SHISA9: variants seen among roughly 807,000 people sequenced by gnomAD.
The protein encoded by SHISA9 is protein shisa-9.
A neutral mutation model predicts 38.0 loss-of-function variants in SHISA9; 13 were observed. The ratio of observed to expected loss-of-function variants is 0.34; its 90% confidence interval spans 0.22 to 0.54. The LOEUF (loss-of-function observed/expected upper bound fraction) is 0.54. Among genes scored for constraint, SHISA9 ranks in the 20% least tolerant of loss-of-function variants. SHISA9 has a pLI of 0.91. For missense variants in SHISA9, 538 were observed against 575.8 expected (o/e 0.93, Z 0.67); for synonymous variants, 275 against 242.0 (o/e 1.14, Z -1.27).
intron 2 of SHISA9, among the ~76,000 whole-genome samples, chr16:13,179,893 A>G (rs1432876483): frequency 1.3e-5 from 2 of 152,190 alleles, no homozygotes; most frequent in African/African-American, 4.8e-5. Context: ...GCAGGATTGA[A>G]TAAGTGGGAC....
Position 13,167,072 on chromosome 16 carries a change from C to CTTTTTTTT in SHISA9, c.692-36312_692-36305dup, listed in dbSNP as rs11372669. On this transcript the variant is annotated intron_variant, in intron 2 of 4. Coordinates refer to ENST00000558583, the MANE Select transcript of SHISA9 (RefSeq NM_001145204.3). The stretch of plus-strand genomic sequence containing the variant: ...CTTCTTCTCTCTCTCTCTCTTTTTT[C>CTTTTTTTT]TTTTTTTTTTTTTTTTTGAGACAGA... 2.4e-5 allele frequency among the ~76,000 whole-genome samples: 3 copies of CTTTTTTTT among 124,428 alleles called. 1 individual carries two copies. Among genetic ancestry groups the CTTTTTTTT allele is most frequent in the African/African-American group, 9.0e-5 (3 of 33,510 alleles). The allele number at this position is 124,428 out of a possible 152,430, so 81.6% of individuals were successfully genotyped here. A position where few individuals can be genotyped will look rare whatever the true frequency, so the allele number is the denominator to read the frequency against.
the SHISA9 span, among the ~76,000 whole-genome samples, chr16:13,420,273 A>AAAAAAAAAAG: frequency 2.0e-5 from 3 of 146,764 alleles, no homozygotes; most frequent in African/African-American, 5.1e-5. Context: ...AAAAAAAAAA[A>AAAAAAAAAAG]GGTTTTTTGC....
chr16:13,035,993 T>G (rs1195620261), intron 2 of SHISA9, among the ~76,000 whole-genome samples: 1 of 152,200 alleles, frequency 6.6e-6, no homozygotes, highest in Non-Finnish European at 1.5e-5. Flanking sequence ...AAAAGATTGA[T>G]GATATCAAGT....
chr16:13,473,026 A>G, the SHISA9 span, among the ~76,000 whole-genome samples: 2 of 152,170 alleles, frequency 1.3e-5, no homozygotes, highest in East Asian at 1.9e-4. Flanking sequence ...CTGCTTCTTT[A>G]TATGCCTGTT....
At chr16:13,187,454 C>A (rs1341306471) in intron 2 of SHISA9, among the ~76,000 whole-genome samples, 1 of 151,410 alleles carries the variant, frequency 6.6e-6, no homozygotes, top group African/African-American at 2.4e-5. Context: ...CCTGTCTCAG[C>A]CTCCTGAATA....
the SHISA9 span, among the ~76,000 whole-genome samples, chr16:13,509,428 G>C: frequency 6.6e-6 from 1 of 152,022 alleles, no homozygotes; most frequent in Admixed American, 6.6e-5. Context: ...CCTGAATAAG[G>C]CAGACATGTC....
the SHISA9 span, among the ~76,000 whole-genome samples, chr16:13,490,188 C>G: frequency 1.3e-5 from 2 of 152,034 alleles, no homozygotes; most frequent in African/African-American, 4.8e-5. Flanking sequence ...TTGGCAGAAG[C>G]CATAGCAGGA....
chr16:13,021,863 G>C (rs2072859024), intron 2 of SHISA9, among the ~76,000 whole-genome samples: 1 of 152,210 alleles, frequency 6.6e-6, no homozygotes, highest in South Asian at 2.1e-4. Context: ...CCTGGGAAGA[G>C]AAAGCATAGT....
chr16:13,197,927 G>C (rs1264305314), intron 2 of SHISA9, among the ~76,000 whole-genome samples: 2 of 152,174 alleles, frequency 1.3e-5, no homozygotes. Context: ...GCTCATGTCT[G>C]TAAGCCCAGC....
intron 1 of SHISA9, among the ~76,000 whole-genome samples, chr16:12,903,984 G>A (rs1002341815): frequency 6.6e-6 from 1 of 152,080 alleles, no homozygotes; most frequent in African/African-American, 2.4e-5. Flanking sequence ...GGGGGAAGAG[G>A]TGAGGAAGTT....
chr16:13,398,938 G>A, the SHISA9 span, among the ~76,000 whole-genome samples: 10 of 152,146 alleles, frequency 6.6e-5, no homozygotes, highest in Non-Finnish European at 1.2e-4. Flanking sequence ...AATATCAATT[G>A]AGTGCCAGTT....
At chr16:13,502,749 C>G in the SHISA9 span, among the ~76,000 whole-genome samples, 1 of 152,124 alleles carries the variant, frequency 6.6e-6, no homozygotes, top group South Asian at 2.1e-4. Context: ...TGGTGGCATG[C>G]ACCTGTAATC....
chr16:13,174,029 A>G (rs886191759), intron 2 of SHISA9, among the ~76,000 whole-genome samples: 1 of 152,044 alleles, frequency 6.6e-6, no homozygotes, highest in African/African-American at 2.4e-5. Flanking sequence ...AAAAAGTCAT[A>G]TCACCTCTCT....
At chr16:13,504,639 G>C in the SHISA9 span, among the ~76,000 whole-genome samples, 35 of 152,266 alleles carry the variant, frequency 2.3e-4, no homozygotes, top group African/African-American at 8.4e-4. Context: ...AAAGGACTAA[G>C]AAACAGAGGA....
intron 2 of SHISA9, among the ~76,000 whole-genome samples, chr16:13,051,429 A>G (rs2073249721): frequency 6.6e-6 from 1 of 152,148 alleles, no homozygotes; most frequent in South Asian, 2.1e-4. Flanking sequence ...AGAGATTTGG[A>G]TGGGGACACA....
intron 2 of SHISA9, among the ~76,000 whole-genome samples, chr16:13,026,257 A>T (rs1166047022): frequency 6.6e-6 from 1 of 151,404 alleles, no homozygotes; most frequent in Non-Finnish European, 1.5e-5. Context: ...CCCGGCAACT[A>T]CCCTTCTACT....
At chr16:13,355,085 G>A in the SHISA9 span, among the ~76,000 whole-genome samples, 1 of 149,596 alleles carries the variant, frequency 6.7e-6, no homozygotes, top group Non-Finnish European at 1.5e-5. Flanking sequence ...GTAGAGGCAG[G>A]TATTGATGAT....
chr16:13,266,398 T>C, the SHISA9 span, among the ~76,000 whole-genome samples: 1 of 151,438 alleles, frequency 6.6e-6, no homozygotes, highest in Non-Finnish European at 1.5e-5. Flanking sequence ...AGGACTAAGA[T>C]GAAGGCTCTC....
At chr16:12,919,609 G>C (rs897924689) in intron 2 of SHISA9, among the ~76,000 whole-genome samples, 2 of 151,534 alleles carry the variant, frequency 1.3e-5, no homozygotes, top group African/African-American at 4.9e-5. Flanking sequence ...TAGAGATCTG[G>C]ATATTTGGGA....
Sources: allele counts gnomAD v4.1 joint callset (sites outside exome capture counted in the v4.1 genomes callset), GRCh38; gene constraint gnomAD v4.1.1; transcripts MANE v1.5; gene names NCBI Gene and HGNC (gene_info 2026-07-23, HGNC 2026-07-21).